Variants in MCTP1 observed in about 807,000 individuals in gnomAD.
MCTP1 encodes multiple C2 and transmembrane domain-containing protein 1.
MCTP1 carries 69 observed loss-of-function variants against 120.6 expected under a neutral mutation model. That is an observed-to-expected ratio of 0.57 (90% CI 0.47 to 0.70). MCTP1 has a LOEUF of 0.70. Among genes scored for constraint, MCTP1 ranks in the 30% least tolerant of loss-of-function variants. MCTP1 has a pLI of 0.00. For missense variants in MCTP1, 1,203 were observed against 1,248.8 expected, an observed-to-expected ratio of 0.96 and a Z score of 0.55; for synonymous variants, 529 against 493.1, an observed-to-expected ratio of 1.07 and a Z score of -0.96.
chr5:94,891,764 AAAT>A (rs1477293901), intron 11 of MCTP1, among the ~76,000 whole-genome samples: 10 of 149,588 alleles, frequency 6.7e-5, no homozygotes, highest in Non-Finnish European at 8.9e-5. Flanking sequence ...ATAAATAAAT[AAAT>A]AAATAAATAA....
chr5:95,241,740 C>T (rs1756184436), intron 1 of MCTP1, among the ~76,000 whole-genome samples: 1 of 152,172 alleles, frequency 6.6e-6, no homozygotes, highest in Non-Finnish European at 1.5e-5. Flanking sequence ...AGCTGTAAAA[C>T]TCCATTTACA....
intron 10 of MCTP1, among the ~76,000 whole-genome samples, chr5:94,906,128 T>A (rs1291498175): frequency 6.6e-6 from 1 of 152,080 alleles, no homozygotes; most frequent in African/African-American, 2.4e-5. Context: ...TTGGGGGACA[T>A]TGACAGGAGT....
rs114248259 is a variant in MCTP1 at position 95,073,202 on chromosome 5, T to C, written c.721-55718A>G. Reference sequence around the variant, plus strand: ...CTCTTTTTTAGGGAGTTAGTCTTAATTTTTTGTCAGTCTTGGGCATAGGAG... The same window carrying C: ...CTCTTTTTTAGGGAGTTAGTCTTAACTTTTTGTCAGTCTTGGGCATAGGAG... On this transcript the variant is annotated intron_variant, in intron 1 of 22. Transcript: ENST00000515393. Among the ~76,000 whole-genome samples the C allele has an allele frequency of 4.2e-3, 642 of 152,298 alleles. 8 individuals are homozygous for C. The highest frequency in any genetic ancestry group is 0.015 in the African/African-American group (609 of 41,560).
At chr5:94,957,148 T>C (rs950783024) in intron 2 of MCTP1, among the ~76,000 whole-genome samples, 3 of 152,114 alleles carry the variant, frequency 2.0e-5, no homozygotes, top group African/African-American at 7.2e-5. Flanking sequence ...AACTCAGAAT[T>C]TCATATCCAG....
intron 17 of MCTP1, chr5:94,867,514 C>A (rs1012386309): frequency 2.2e-5 from 13 of 579,484 alleles, no homozygotes; most frequent in African/African-American, 1.5e-4. Flanking sequence ...TCGTATTCTG[C>A]TAAACTGGCA....
At chr5:94,879,609 T>C (rs1157351118) in intron 12 of MCTP1, among the ~76,000 whole-genome samples, 3 of 152,098 alleles carry the variant, frequency 2.0e-5, no homozygotes, top group Non-Finnish European at 4.4e-5. Context: ...AATGAAAACA[T>C]TAAAAATATT....
At chr5:94,754,656 C>G (rs966287613) in intron 19 of MCTP1, among the ~76,000 whole-genome samples, 7 of 152,034 alleles carry the variant, frequency 4.6e-5, no homozygotes, top group African/African-American at 1.7e-4. Context: ...TTCAGAAGTG[C>G]CAAAGTACGT....
At chr5:94,945,525 A>C (rs149730105) in intron 3 of MCTP1, among the ~76,000 whole-genome samples, 44 of 152,288 alleles carry the variant, frequency 2.9e-4, no homozygotes, top group Non-Finnish European at 4.3e-4. Context: ...ATTTATTTGA[A>C]AAATATTTGG....
At chr5:94,846,286 T>C (rs971593898) in intron 17 of MCTP1, among the ~76,000 whole-genome samples, 6 of 151,750 alleles carry the variant, frequency 4.0e-5, no homozygotes, top group Admixed American at 2.0e-4. Flanking sequence ...ATAAAGAAAA[T>C]ATAGTACATA....
chr5:95,177,204 A>G (rs1748097650), intron 1 of MCTP1, among the ~76,000 whole-genome samples: 1 of 151,890 alleles, frequency 6.6e-6, no homozygotes, highest in Admixed American at 6.6e-5. Flanking sequence ...CACAGAGAGA[A>G]AGAGATTTAT....
At chr5:95,275,440 T>G (rs1030317361) in intron 1 of MCTP1, among the ~76,000 whole-genome samples, 1 of 152,186 alleles carries the variant, frequency 6.6e-6, no homozygotes. Context: ...CCAAACCCTC[T>G]TGGCTCCTTG....
At chr5:95,225,301 CTGACACAGG>C (rs1038272334) in intron 1 of MCTP1, among the ~76,000 whole-genome samples, 14 of 152,138 alleles carry the variant, frequency 9.2e-5, no homozygotes, top group African/African-American at 3.1e-4. Flanking sequence ...TATTCATGAC[CTGACACAGG>C]TGTCAGCAGT....
chr5:94,858,039 G>C (rs913206384), intron 17 of MCTP1, among the ~76,000 whole-genome samples: 3 of 151,524 alleles, frequency 2.0e-5, no homozygotes, highest in African/African-American at 7.3e-5. Flanking sequence ...CTTTTTCCTG[G>C]CATTTATTTA....
At chr5:95,051,947 G>A (rs750610687) in intron 1 of MCTP1, among the ~76,000 whole-genome samples, 1 of 151,954 alleles carries the variant, frequency 6.6e-6, no homozygotes, top group Non-Finnish European at 1.5e-5. Context: ...GCTTATTACT[G>A]GGGTCACAAA....
chr5:94,780,996 G>A (rs114578728), intron 18 of MCTP1, among the ~76,000 whole-genome samples: 1 of 152,216 alleles, frequency 6.6e-6, no homozygotes, highest in African/African-American at 2.4e-5. Flanking sequence ...ATTTGTGAGG[G>A]AGGTTTAAGA....
chr5:94,972,682 A>G (rs1235200284), intron 2 of MCTP1, among the ~76,000 whole-genome samples: 2 of 152,198 alleles, frequency 1.3e-5, no homozygotes, highest in East Asian at 3.8e-4. Flanking sequence ...TCTTGTTACC[A>G]GAAGCTTAGT....
Position 94,917,991 on chromosome 5 carries a change from A to G in MCTP1, c.1273-18T>C. 1.2e-6 allele frequency: 2 copies of G among 1,606,058 alleles called. No individual in the cohort carries two copies. The highest frequency in any genetic ancestry group is 1.7e-6 in the Non-Finnish European group (2 of 1,172,654). ...CCGCACGTCTGGATGGAAATGAATG[A>G]TCAGAGCTGTACGGGGAAGCTTTGT... On this transcript the variant is annotated intron_variant, in intron 7 of 22. Transcript: ENST00000515393.
At chr5:94,935,273 G>A (rs574188445) in intron 5 of MCTP1, among the ~76,000 whole-genome samples, 8 of 152,106 alleles carry the variant, frequency 5.3e-5, no homozygotes, top group African/African-American at 1.9e-4. Context: ...AGTAGATTCA[G>A]TAGGCTGATA....
At chr5:94,850,094 A>T (rs1327916293) in intron 17 of MCTP1, among the ~76,000 whole-genome samples, 1 of 152,162 alleles carries the variant, frequency 6.6e-6, no homozygotes, top group African/African-American at 2.4e-5. Flanking sequence ...CTAAAATGTT[A>T]TTCTCTATTT....
Sources: allele counts gnomAD v4.1 joint callset (sites outside exome capture counted in the v4.1 genomes callset), GRCh38; gene constraint gnomAD v4.1.1; transcripts MANE v1.5; gene names NCBI Gene and HGNC (gene_info 2026-07-23, HGNC 2026-07-21).